SGIP1: variants seen among roughly 807,000 people sequenced by gnomAD.
SGIP1 encodes the protein SH3-containing GRB2-like protein 3-interacting protein 1.
A neutral mutation model predicts 107.5 loss-of-function variants in SGIP1; 38 were observed. The ratio of observed to expected loss-of-function variants is 0.35; its 90% CI spans 0.27 to 0.46. SGIP1 has a LOEUF of 0.46. SGIP1 is among the 20% of genes least tolerant of loss of function. The probability of loss-of-function intolerance (pLI) is 1.00; values close to 1 mark genes in which losing one functional copy is unlikely to be tolerated. For missense variants in SGIP1, 929 were observed against 1,019.5 expected (o/e 0.91, Z 1.21); for synonymous variants, 365 against 366.1 (o/e 1.00, Z 0.03).
chr1:66,545,004 T>C (rs574724659), intron 1 of SGIP1, among the ~76,000 whole-genome samples: 117 of 152,262 alleles, frequency 7.7e-4, no homozygotes, highest in African/African-American at 2.8e-3. Flanking sequence ...CTGTCCTACA[T>C]CAGTAGGTCC....
chr1:66,627,180 C>A (rs1046392708), intron 2 of SGIP1, among the ~76,000 whole-genome samples: 1 of 151,784 alleles, frequency 6.6e-6, no homozygotes, highest in Non-Finnish European at 1.5e-5. Context: ...TCCTTACAAG[C>A]AACTAAGATG....
At chr1:66,583,156 A>G (rs146372390) in intron 1 of SGIP1, among the ~76,000 whole-genome samples, 9 of 152,244 alleles carry the variant, frequency 5.9e-5, no homozygotes, top group Non-Finnish European at 1.3e-4. Context: ...TATATAAATA[A>G]AAAATTCAGC....
chr1:66,662,027 A>G (rs1298609577), intron 8 of SGIP1, among the ~76,000 whole-genome samples: 2 of 152,176 alleles, frequency 1.3e-5, no homozygotes, highest in African/African-American at 4.8e-5. Flanking sequence ...AATATAATAG[A>G]CAGTCTCCGT....
intron 18 of SGIP1, among the ~76,000 whole-genome samples, chr1:66,712,001 T>C (rs2092951334): frequency 6.6e-6 from 1 of 152,150 alleles, no homozygotes; most frequent in African/African-American, 2.4e-5. Context: ...GACTGAAGCC[T>C]ACACCCTCTG....
At chr1:66,626,377 A>T (rs2072777284) in intron 2 of SGIP1, among the ~76,000 whole-genome samples, 1 of 152,144 alleles carries the variant, frequency 6.6e-6, no homozygotes, top group Admixed American at 6.6e-5. Flanking sequence ...GATTTTGTAC[A>T]AGCCAAATTG....
At chr1:66,545,266 C>T (rs2056110346) in intron 1 of SGIP1, among the ~76,000 whole-genome samples, 1 of 152,190 alleles carries the variant, frequency 6.6e-6, no homozygotes. Context: ...CTCACTGGCC[C>T]AGCCAGACAG....
chr1:66,542,413 G>A (rs2148071013), intron 1 of SGIP1, among the ~76,000 whole-genome samples: 1 of 152,278 alleles, frequency 6.6e-6, no homozygotes, highest in East Asian at 1.9e-4. Flanking sequence ...AGATGTTACA[G>A]TGCCTACATG....
At chr1:66,642,223 C>T (rs1304518268) in intron 5 of SGIP1, among the ~76,000 whole-genome samples, 1 of 152,120 alleles carries the variant, frequency 6.6e-6, no homozygotes, top group Non-Finnish European at 1.5e-5. Flanking sequence ...GCCATGTCAT[C>T]CTTGCTGTTG....
chr1:66,650,525 G>C (rs11208937), intron 7 of SGIP1, among the ~76,000 whole-genome samples: 20,245 of 152,100 alleles, frequency 0.13, 1,717 homozygotes, highest in East Asian at 0.26. Context: ...CTTCACTTCA[G>C]TTTCCTGATT....
intron 1 of SGIP1, among the ~76,000 whole-genome samples, chr1:66,578,935 T>C (rs1160071551): frequency 1.3e-5 from 2 of 152,178 alleles, no homozygotes; most frequent in Non-Finnish European, 2.9e-5. Flanking sequence ...CTCCCCAAAG[T>C]ACATGGTATT....
At chr1:66,665,734 T>G (rs933952141) in intron 8 of SGIP1, 6 of 152,258 alleles carry the variant, frequency 3.9e-5, no homozygotes, top group Non-Finnish European at 8.8e-5. Context: ...ATGATGAACA[T>G]TTTTTCATGT....
At chr1:66,555,956 A>T (rs956952037) in intron 1 of SGIP1, among the ~76,000 whole-genome samples, 2 of 152,170 alleles carry the variant, frequency 1.3e-5, no homozygotes, top group Non-Finnish European at 2.9e-5. Flanking sequence ...TGGTTAAGCC[A>T]GGATTTGAAC....
At chr1:66,661,940 T>A (rs2081574950) in intron 8 of SGIP1, among the ~76,000 whole-genome samples, 1 of 152,220 alleles carries the variant, frequency 6.6e-6, no homozygotes, top group African/African-American at 2.4e-5. Context: ...ATTTTGATGA[T>A]ACCTTGGTTA....
intron 18 of SGIP1, among the ~76,000 whole-genome samples, chr1:66,719,063 C>A (rs1383270932): frequency 2.6e-5 from 4 of 151,960 alleles, no homozygotes; most frequent in African/African-American, 9.7e-5. Flanking sequence ...TTCTCTGTAG[C>A]AAAATACATA....
chr1:66,624,705 G>A (rs2149303103), intron 1 of SGIP1, among the ~76,000 whole-genome samples: 1 of 152,240 alleles, frequency 6.6e-6, no homozygotes, highest in Non-Finnish European at 1.5e-5. Context: ...AAACAAATTT[G>A]AAATATCAGT....
At chr1:66,655,531 C>A (rs115657955) in intron 7 of SGIP1, among the ~76,000 whole-genome samples, 1,957 of 152,272 alleles carry the variant, frequency 0.013, 48 homozygotes, top group African/African-American at 0.045. Flanking sequence ...GCAATTTTAT[C>A]ATTGTGTGCA....
intron 5 of SGIP1, 70 bp downstream of exon 5, chr1:66,639,903 T>C (rs935451692): frequency 7.8e-7 from 1 of 1,283,100 alleles, no homozygotes; most frequent in Admixed American, 2.0e-5. Flanking sequence ...GGCATTCTTA[T>C]AATAGGACTT....
At chr1:66,660,781 G>A (rs2149713635) in intron 8 of SGIP1, among the ~76,000 whole-genome samples, 1 of 152,272 alleles carries the variant, frequency 6.6e-6, no homozygotes, top group Admixed American at 6.5e-5. Context: ...TTCAATCACA[G>A]CCACACGATC....
intron 1 of SGIP1, among the ~76,000 whole-genome samples, chr1:66,599,503 C>G (rs531702382): frequency 1.3e-4 from 20 of 152,282 alleles, no homozygotes; most frequent in African/African-American, 4.8e-4. Context: ...TCCTGATTCT[C>G]CTCCCAGGAG....
Sources: allele counts gnomAD v4.1 joint callset (sites outside exome capture counted in the v4.1 genomes callset), GRCh38; gene constraint gnomAD v4.1.1; transcripts MANE v1.5; gene names NCBI Gene and HGNC (gene_info 2026-07-23, HGNC 2026-07-21).